GOLT1A: variants seen among roughly 807,000 people sequenced by gnomAD.
The protein encoded by GOLT1A is golgi transport 1A.
A neutral mutation model predicts 16.1 loss-of-function variants in GOLT1A; 10 were observed. The ratio of observed to expected loss-of-function variants is 0.62; its 90% CI spans 0.38 to 1.05. The LOEUF (loss-of-function observed/expected upper bound fraction) is 1.05, where lower values mean the gene tolerates loss of function less well. Among genes scored for constraint, GOLT1A ranks in the 50% least tolerant of loss-of-function variants. The pLI, the probability that GOLT1A is intolerant of heterozygous loss-of-function variation, is 0.01. For missense variants in GOLT1A, 137 were observed against 165.7 expected (o/e 0.83, Z 0.95); for synonymous variants, 60 against 67.9 (o/e 0.88, Z 0.57).
chr1:204,211,462 C>T (rs185433529), intron 1 of GOLT1A, among the ~76,000 whole-genome samples: 76 of 152,326 alleles, frequency 5.0e-4, no homozygotes, highest in African/African-American at 1.7e-3. Flanking sequence ...CAACACCCTG[C>T]CTCTCACTTG....
chr1:204,211,358 C>T (rs1659134556), intron 1 of GOLT1A, among the ~76,000 whole-genome samples: 2 of 152,182 alleles, frequency 1.3e-5, no homozygotes, highest in South Asian at 4.1e-4. Flanking sequence ...GCCACTGTCC[C>T]TATTGCCTGC....
chr1:204,209,390 C>T (rs1004639968), intron 1 of GOLT1A, among the ~76,000 whole-genome samples: 1 of 152,192 alleles, frequency 6.6e-6, no homozygotes, highest in South Asian at 2.1e-4. Flanking sequence ...CTAGTGTGAA[C>T]ACCCTTCTCA....
At chr1:204,208,252 C>T (rs1335661837) in intron 1 of GOLT1A, among the ~76,000 whole-genome samples, 2 of 151,358 alleles carry the variant, frequency 1.3e-5, no homozygotes, top group African/African-American at 4.9e-5. Flanking sequence ...AATATGAAAC[C>T]AGCCCAAATG....
At position 204,201,798 on chromosome 1, in the gene GOLT1A, G is replaced by A. The variant is rs150924607; in HGVS notation, c.131C>T (p.Thr44Met). 72 of 1,614,018 alleles carry A rather than the reference G, an allele frequency of 4.5e-5. No homozygotes were observed. The highest frequency in any genetic ancestry group is 1.9e-4 in the South Asian group (17 of 91,070). Residue 44 changes from threonine (T) to methionine (M), a missense_variant, in exon 3 of 5, where the codon ACG (threonine) becomes ATG (methionine). Coordinates refer to ENST00000308302, the MANE Select transcript of GOLT1A (RefSeq NM_198447.2). ...CAGGCCAATGATGAGGGACAGGCCC[G>A]TCAGGAACAGCAGCTGTAGGGGAGG... is the stretch of plus-strand genomic sequence containing the variant. ...LLAFGNLLFL[T>M]GLSLIIGLRK...
chr1:204,199,166 C>G, intron 4 of GOLT1A, 29 bp downstream of exon 4: 1 of 1,565,640 alleles, frequency 6.4e-7, no homozygotes, highest in Non-Finnish European at 8.7e-7. Flanking sequence ...CAGGGTACGC[C>G]CGCAGGGCTG....
At chr1:204,202,844 A>G in intron 2 of GOLT1A, 52 bp downstream of exon 2, 2 of 1,287,700 alleles carry the variant, frequency 1.6e-6, no homozygotes, top group South Asian at 1.2e-5. Context: ...GGCAATAGAG[A>G]CTTCAGAAAG....
chr1:204,203,662 T>C (rs1658996228), intron 1 of GOLT1A, among the ~76,000 whole-genome samples: 1 of 152,220 alleles, frequency 6.6e-6, no homozygotes. Context: ...CCTGCTCCCA[T>C]TGTCCTCCCT....
Position 204,198,384 on chromosome 1 carries a change from T to G in GOLT1A, c.*74A>C. The G allele has an allele frequency of 7.3e-7, 1 of 1,377,664 alleles. No individual in the cohort carries two copies. The allele number at this position is 1,377,664 out of a possible 1,614,324, so 85.3% of individuals were successfully genotyped here. ...CGGGGAGTGAGTCAGTGCAGGGGAC[T>G]GAGGGGGTGGTTCCCATTCTCCCTC... On this transcript the variant is annotated 3_prime_UTR_variant, in exon 5 of 5. Transcript: ENST00000308302.
intron 1 of GOLT1A, among the ~76,000 whole-genome samples, chr1:204,211,754 G>A (rs1659140081): frequency 6.6e-6 from 1 of 152,146 alleles, no homozygotes; most frequent in Non-Finnish European, 1.5e-5. Flanking sequence ...GAAGCGGGGT[G>A]CGGGATGGAA....
At chr1:204,199,399 CGA>C (rs1658916179) in intron 3 of GOLT1A, 141 bp from the exon 4 acceptor site, 2 of 682,514 alleles carry the variant, frequency 2.9e-6, no homozygotes, top group Non-Finnish European at 5.3e-6. Context: ...TCCTGTGTTC[CGA>C]GAGACAGTCG....
chr1:204,208,482 A>ATGTGTGTG (rs1553234673), intron 1 of GOLT1A, among the ~76,000 whole-genome samples: 1 of 79,568 alleles, frequency 1.3e-5, no homozygotes, highest in African/African-American at 4.5e-5. Context: ...GTGTGTATAT[A>ATGTGTGTG]TATATATATA....
intron 1 of GOLT1A, among the ~76,000 whole-genome samples, chr1:204,206,651 T>C (rs1659043051): frequency 6.6e-6 from 1 of 152,292 alleles, no homozygotes; most frequent in Admixed American, 6.5e-5. Context: ...GCTCTGACTA[T>C]ACACCCTTTC....
intron 4 of GOLT1A, 66 bp downstream of exon 4, chr1:204,199,129 C>A: frequency 7.2e-7 from 1 of 1,379,882 alleles, no homozygotes; most frequent in South Asian, 1.2e-5. Context: ...TTTACCAGCT[C>A]CCCTCCGTGT....
At chr1:204,198,825 A>AT in intron 4 of GOLT1A, 1 of 481,704 alleles carries the variant, frequency 2.1e-6, no homozygotes, top group Non-Finnish European at 3.7e-6. Flanking sequence ...GCTGTCATAC[A>AT]TTCTCTCCAT....
At chr1:204,211,643 G>T (rs77573384) in intron 1 of GOLT1A, among the ~76,000 whole-genome samples, 1 of 152,130 alleles carries the variant, frequency 6.6e-6, no homozygotes. Flanking sequence ...GTTTAACAAA[G>T]TGTCAGCGTG....
At chr1:204,200,299 G>GTGTGTATATATATATATATATA in intron 3 of GOLT1A, among the ~76,000 whole-genome samples, 11 of 82,674 alleles carry the variant, frequency 1.3e-4, no homozygotes, top group African/African-American at 4.4e-4. Flanking sequence ...ACATATATGT[G>GTGTGTATATATATATATATATA]TATATATATA....
At chr1:204,207,217 T>C (rs1156396061) in intron 1 of GOLT1A, among the ~76,000 whole-genome samples, 3 of 152,190 alleles carry the variant, frequency 2.0e-5, no homozygotes, top group African/African-American at 7.2e-5. Context: ...CAGGTGTGCC[T>C]GCCCGGCACG....
Position 204,201,748 on chromosome 1 carries a change from GGAA to G in GOLT1A, c.178_180del (p.Phe60del), listed in dbSNP as rs1658966157. 1 of 1,614,160 alleles carries G rather than the reference GGAA, an allele frequency of 6.2e-7. No individual in the cohort carries two copies. The highest frequency in any genetic ancestry group is 1.1e-5 in the South Asian group (1 of 91,066). ...CTGGTTCCCTTGAGTTTGTGCCGTTGGAAGAAGAACCAAAAGGTCTTCCTCAGG... is the reference window on the plus strand; with the variant it reads ...CTGGTTCCCTTGAGTTTGTGCCGTTGGAAGAACCAAAAGGTCTTCCTCAGG... On this transcript the variant is annotated inframe_deletion, in exon 3 of 5. Coordinates refer to ENST00000308302, the MANE Select transcript of GOLT1A (RefSeq NM_198447.2).
Position 204,199,235 on chromosome 1 carries a change from C to A in GOLT1A, c.320G>T (p.Gly107Val). Reference sequence around the variant, plus strand: ...GATGTTGCAGACATTGCCCAGGAAGCCGAAGGCGACAGGGAAAAAGCCCCT... The same window carrying A: ...GATGTTGCAGACATTGCCCAGGAAGACGAAGGCGACAGGGAAAAAGCCCCT... ...LFKGFFPVAF[G>V]FLGNVCNIPF... Residue 107 changes from glycine (G) to valine (V), a missense_variant, in exon 4 of 5, where the codon GGC (glycine) becomes GTC (valine). Physicochemically the swap from Gly to Val is moderately radical, Grantham distance 109 (BLOSUM62 -3). Transcript: ENST00000308302. 6.2e-7 allele frequency: 1 copy of A among 1,603,916 alleles called. No individual in the cohort carries two copies. Among genetic ancestry groups the A allele is most frequent in the Admixed American group, 1.7e-5 (1 of 57,992 alleles).
Sources: gnomAD v4.1 joint callset for allele counts (sites outside exome capture counted in the v4.1 genomes callset) on GRCh38, gnomAD v4.1.1 for gene constraint, MANE v1.5 for transcripts, NCBI Gene and HGNC (gene_info 2026-07-23, HGNC 2026-07-21) for gene names.